CSRNP3: variants seen among roughly 807,000 people sequenced by gnomAD.
CSRNP3 encodes cysteine and serine rich nuclear protein 3, also known as cysteine/serine-rich nuclear protein 3.
CSRNP3 carries 12 observed loss-of-function variants against 48.0 expected under a neutral mutation model. The ratio of observed to expected loss-of-function variants is 0.25; its 90% CI spans 0.16 to 0.41. The LOEUF (loss-of-function observed/expected upper bound fraction) is 0.41, where lower values mean the gene tolerates loss of function less well. Ranked by LOEUF, CSRNP3 falls within the 10% of genes least tolerant of loss-of-function variation. The pLI is 1.00. For missense variants in CSRNP3, 580 were observed against 724.4 expected (o/e 0.80, Z 2.29); for synonymous variants, 263 against 269.7 (o/e 0.98, Z 0.24).
intron 3 of CSRNP3, among the ~76,000 whole-genome samples, chr2:165,582,043 A>T (rs1266810686): frequency 4.6e-5 from 7 of 152,200 alleles, no homozygotes. Context: ...CGGGGATTAT[A>T]ATACAGTCTA....
At chr2:165,548,967 C>A (rs1685064836) in intron 3 of CSRNP3, among the ~76,000 whole-genome samples, 1 of 150,218 alleles carries the variant, frequency 6.7e-6, no homozygotes, top group Non-Finnish European at 1.5e-5. Flanking sequence ...TGCTTACCTT[C>A]CTTTTAACTT....
At position 165,592,801 on chromosome 2, in the gene CSRNP3, C is replaced by CTTTT. The variant is rs374516256; in HGVS notation, c.-23-2242_-23-2241insTTTT. On this transcript the variant is annotated intron_variant, in intron 3 of 6. Coordinates refer to ENST00000651982, the MANE Select transcript of CSRNP3 (RefSeq NM_001172173.2). The stretch of plus-strand genomic sequence containing the variant: ...ACTGTGAGTCAATTAAACCTCTTTT[C>CTTTT]ATTTTTTTTTTTTTTTTTGAGACGG... Among the ~76,000 whole-genome samples the CTTTT allele has an allele frequency of 2.2e-4, 29 of 133,434 alleles. 10 individuals are homozygous for CTTTT. Among genetic ancestry groups the CTTTT allele is most frequent in the African/African-American group, 2.8e-4 (10 of 35,480 alleles). 87.5% of individuals were successfully genotyped at this position (133,434 alleles called of 152,430 possible).
At chr2:165,566,300 TC>T (rs772323918) in intron 3 of CSRNP3, among the ~76,000 whole-genome samples, 1 of 151,902 alleles carries the variant, frequency 6.6e-6, no homozygotes, top group Non-Finnish European at 1.5e-5. Context: ...TTCTAGCCCT[TC>T]TGCCTAGAAT....
chr2:165,674,538 T>G (rs1687386871), intron 5 of CSRNP3, among the ~76,000 whole-genome samples: 1 of 150,702 alleles, frequency 6.6e-6, no homozygotes, highest in Non-Finnish European at 1.5e-5. Flanking sequence ...AATTTTAGAT[T>G]ATACCAAGAG....
chr2:165,509,072 C>T (rs774441132), intron 2 of CSRNP3, among the ~76,000 whole-genome samples: 1 of 152,100 alleles, frequency 6.6e-6, no homozygotes, highest in Non-Finnish European at 1.5e-5. Context: ...TACTTTTTCC[C>T]ATAAATACCA....
intron 1 of CSRNP3, among the ~76,000 whole-genome samples, chr2:165,476,593 T>A (rs948075413): frequency 6.6e-6 from 1 of 152,246 alleles, no homozygotes; most frequent in African/African-American, 2.4e-5. Flanking sequence ...ATGCATCATT[T>A]GAGCTAATGG....
chr2:165,600,163 T>A (rs1007975756), intron 4 of CSRNP3, among the ~76,000 whole-genome samples: 4 of 141,624 alleles, frequency 2.8e-5, no homozygotes, highest in African/African-American at 7.9e-5. Flanking sequence ...AGTTCCCACC[T>A]ATGAGTGAGA....
At chr2:165,509,866 CCTT>C (rs1684479117) in intron 2 of CSRNP3, among the ~76,000 whole-genome samples, 1 of 152,158 alleles carries the variant, frequency 6.6e-6, no homozygotes, top group Non-Finnish European at 1.5e-5. Flanking sequence ...CATCATGTCT[CCTT>C]AGTCTCACTG....
intron 3 of CSRNP3, among the ~76,000 whole-genome samples, chr2:165,542,123 C>T (rs1476400933): frequency 6.6e-6 from 1 of 152,110 alleles, no homozygotes; most frequent in Non-Finnish European, 1.5e-5. Flanking sequence ...TTTGATACTT[C>T]ATCCTCACTT....
intron 4 of CSRNP3, among the ~76,000 whole-genome samples, chr2:165,644,159 G>A (rs927822300): frequency 1.3e-5 from 2 of 152,088 alleles, no homozygotes; most frequent in Non-Finnish European, 2.9e-5. Context: ...AGAGATTATG[G>A]AGCCAGGGTT....
At chr2:165,613,075 A>C (rs965831822) in intron 4 of CSRNP3, among the ~76,000 whole-genome samples, 4 of 152,084 alleles carry the variant, frequency 2.6e-5, no homozygotes, top group African/African-American at 9.7e-5. Flanking sequence ...CATTTTTTGC[A>C]GCACTTGTTA....
At chr2:165,560,306 A>C (rs1008485020) in intron 3 of CSRNP3, among the ~76,000 whole-genome samples, 2 of 152,226 alleles carry the variant, frequency 1.3e-5, no homozygotes, top group African/African-American at 2.4e-5. Flanking sequence ...CCCTAGAAGC[A>C]GAAGAAATTA....
At chr2:165,511,303 G>A (rs1297216344) in intron 2 of CSRNP3, among the ~76,000 whole-genome samples, 1 of 152,186 alleles carries the variant, frequency 6.6e-6, no homozygotes, top group African/African-American at 2.4e-5. Flanking sequence ...GAATTAGGGT[G>A]ATAGTGAGAT....
At chr2:165,527,831 A>T (rs1020338703) in intron 3 of CSRNP3, among the ~76,000 whole-genome samples, 1 of 152,120 alleles carries the variant, frequency 6.6e-6, no homozygotes, top group Non-Finnish European at 1.5e-5. Flanking sequence ...ATTTAAAGAC[A>T]TCCACAAATT....
chr2:165,663,637 C>A (rs974316462), intron 5 of CSRNP3, among the ~76,000 whole-genome samples: 1 of 152,168 alleles, frequency 6.6e-6, no homozygotes, highest in Non-Finnish European at 1.5e-5. Context: ...TCTTTCTCTG[C>A]AACAACCATT....
At chr2:165,671,471 C>T (rs1238178878) in intron 5 of CSRNP3, among the ~76,000 whole-genome samples, 4 of 152,208 alleles carry the variant, frequency 2.6e-5, no homozygotes, top group Non-Finnish European at 5.9e-5. Context: ...GGCTTGCACC[C>T]TCTGAAGCCA....
chr2:165,634,603 G>C (rs1419436359), intron 4 of CSRNP3, among the ~76,000 whole-genome samples: 1 of 152,206 alleles, frequency 6.6e-6, no homozygotes, highest in Non-Finnish European at 1.5e-5. Context: ...AGATGGATGA[G>C]TAAATAGCTT....
intron 4 of CSRNP3, among the ~76,000 whole-genome samples, chr2:165,646,712 T>G (rs1480500868): frequency 6.6e-6 from 1 of 152,184 alleles, no homozygotes; most frequent in Non-Finnish European, 1.5e-5. Flanking sequence ...AGGAGCCATA[T>G]GGTTCCCATT....
intron 4 of CSRNP3, among the ~76,000 whole-genome samples, chr2:165,603,186 C>T (rs571716637): frequency 2.6e-5 from 4 of 152,174 alleles, no homozygotes; most frequent in Admixed American, 6.5e-5. Flanking sequence ...TGAGCCACCG[C>T]GCCCGGCCTG....
Sources: allele counts gnomAD v4.1 joint callset (sites outside exome capture counted in the v4.1 genomes callset), GRCh38; gene constraint gnomAD v4.1.1; transcripts MANE v1.5; gene names NCBI Gene and HGNC (gene_info 2026-07-23, HGNC 2026-07-21).